Variants in FUBP3 observed in about 807,000 individuals in gnomAD.
FUBP3 encodes far upstream element binding protein 3, also known as far upstream element-binding protein 3.
Under a neutral mutation model 85.6 loss-of-function variants are expected in FUBP3, and 28 were observed. The ratio of observed to expected loss-of-function variants is 0.33; its 90% CI spans 0.24 to 0.45. The LOEUF (loss-of-function observed/expected upper bound fraction) is 0.45, where lower values mean the gene tolerates loss of function less well. Among genes scored for constraint, FUBP3 ranks in the 20% least tolerant of loss-of-function variants. The pLI is 1.00. For synonymous variants in FUBP3, 271 were observed against 271.4 expected (o/e 1.00, Z 0.01); for missense variants, 583 against 755.1 (o/e 0.77, Z 2.67).
intron 16 of FUBP3, among the ~76,000 whole-genome samples, chr9:130,633,116 G>A (rs1830281821): frequency 6.6e-6 from 1 of 152,234 alleles, no homozygotes; most frequent in Non-Finnish European, 1.5e-5. Flanking sequence ...CCAGTGCTGT[G>A]TGGCCTTAGG....
In FUBP3 at chr9:130,610,084, A is replaced by G. The variant is rs1831663335; in HGVS notation, c.224+97A>G. The stretch of plus-strand genomic sequence containing the variant: ...AGTGCTAGAAAGTCAGAGGTTGAGA[A>G]TGTGAAAAAGCATGGGTTAGGCTTC... On this transcript the variant is annotated intron_variant, in intron 3 of 18. Coordinates refer to ENST00000319725, the MANE Select transcript of FUBP3 (RefSeq NM_003934.2). 1.6e-5 allele frequency: 16 copies of G among 1,017,444 alleles called. No individual in the cohort carries two copies. The South Asian group carries it at 1.8e-4, about 12-fold the overall frequency. 63.0% of individuals were successfully genotyped at this position (1,017,444 alleles called of 1,614,324 possible). A position where few individuals can be genotyped will look rare whatever the true frequency, so the allele number is the denominator to read the frequency against.
Position 130,620,407 on chromosome 9 carries a change from T to C in FUBP3, c.720T>C (p.Phe240=), listed in dbSNP as rs923661020. Residue 240 remains phenylalanine (F), a synonymous_variant, in exon 9 of 19, where the codon TTT becomes TTC. Coordinates refer to ENST00000319725, the MANE Select transcript of FUBP3 (RefSeq NM_003934.2). Reference sequence around the variant, plus strand: ...TCCGAGAAAAAGACCAAGCTGACTTTCGGGGTGTACGCGGCGATTTCAACT... The same window carrying C: ...TCCGAGAAAAAGACCAAGCTGACTTCCGGGGTGTACGCGGCGATTTCAACT... ...EIIREKDQAD[F]RGVRGDFNSR... 4.4e-6 allele frequency: 7 copies of C among 1,606,462 alleles called. No homozygotes were observed. The African/African-American group carries it at 8.0e-5, about 18-fold the overall frequency.
At chr9:130,631,532 G>C (rs1282898502) in intron 13 of FUBP3, 25 bp from the exon 14 acceptor site, 2 of 1,599,952 alleles carry the variant, frequency 1.3e-6, no homozygotes, top group East Asian at 2.2e-5. Flanking sequence ...AACAGCGGGT[G>C]AGAGCTCCCT....
chr9:130,603,367 A>AC (rs1225788291), intron 2 of FUBP3, among the ~76,000 whole-genome samples: 1 of 147,730 alleles, frequency 6.8e-6, no homozygotes, highest in Non-Finnish European at 1.5e-5. Context: ...AAAAAAAAAA[A>AC]ACAAATAGTG....
At chr9:130,590,565 A>T (rs1830581232) in intron 1 of FUBP3, among the ~76,000 whole-genome samples, 1 of 152,220 alleles carries the variant, frequency 6.6e-6, no homozygotes, top group South Asian at 2.1e-4. Flanking sequence ...ACGCTTGCAG[A>T]TAAGGAGGAG....
Position 130,616,667 on chromosome 9 carries a change from A to G in FUBP3, c.567+150A>G, listed in dbSNP as rs938440663. ...GGCTTCCTTCCTCCATTTGACAGAC[A>G]GCTTCTGAACATACACCACGGCCAC... On this transcript the variant is annotated intron_variant, in intron 7 of 18. Transcript: ENST00000319725. This position sits in a 1 kb window ranked among gnomAD's most constrained non-coding sequence, Gnocchi z 4.7. 2.8e-5 allele frequency: 20 copies of G among 715,982 alleles called. No homozygotes were observed. Among genetic ancestry groups the G allele is most frequent in the Non-Finnish European group, 3.9e-5 (17 of 431,204 alleles). The allele number at this position is 715,982 out of a possible 1,614,324, so 44.4% of individuals were successfully genotyped here. A position where few individuals can be genotyped will look rare whatever the true frequency, so the allele number is the denominator to read the frequency against.
chr9:130,630,653 C>G lies in FUBP3; in HGVS notation c.1143C>G (p.Asn381Lys). Reference protein sequence around the residue: ...GKGGENIKSINQQSGAHVELQ... With the variant: ...GKGGENIKSIKQQSGAHVELQ... Reference sequence around the variant, plus strand: ...GGGGTGAGAACATCAAAAGCATCAACCAGCAGTCAGGGGCGCACGTGGAGC... The same window carrying G: ...GGGGTGAGAACATCAAAAGCATCAAGCAGCAGTCAGGGGCGCACGTGGAGC... Residue 381 changes from asparagine (N) to lysine (K), a missense_variant, in exon 13 of 19, where the codon AAC becomes AAG. This residue lies in a region of FUBP3 where 404 missense variants were observed against 516.8 expected (regional missense o/e 0.78). Transcript: ENST00000319725. The G allele has an allele frequency of 6.2e-7, 1 of 1,601,302 alleles. No individual in the cohort carries two copies. The highest frequency in any genetic ancestry group is 8.5e-7 in the Non-Finnish European group (1 of 1,174,042).
At chr9:130,625,507 G>A (rs563899472) in intron 11 of FUBP3, among the ~76,000 whole-genome samples, 1 of 152,370 alleles carries the variant, frequency 6.6e-6, no homozygotes, top group Admixed American at 6.5e-5. Flanking sequence ...AAAAGTCTGT[G>A]CAGCTTCTCC....
chr9:130,628,520 C>T (rs957393426), intron 12 of FUBP3, among the ~76,000 whole-genome samples: 3 of 152,326 alleles, frequency 2.0e-5, no homozygotes, highest in Non-Finnish European at 4.4e-5. Context: ...TTAACTCCTT[C>T]TGGCCCCACG....
At position 130,579,651 on chromosome 9, in the gene FUBP3, G is replaced by GCGGCGT; in HGVS notation, c.-25_-24insTCGGCG. On this transcript the variant is annotated 5_prime_UTR_variant, in exon 1 of 19. Transcript: ENST00000319725. ...CCGAGCGGCGGCGTCGGCGGCGTCG[G>GCGGCGT]CGGCGGCGGCGACGGCGGCGGGGGC... The GCGGCGT allele has an allele frequency of 8.4e-7, 1 of 1,186,130 alleles. No homozygotes were observed. The highest frequency in any genetic ancestry group is 1.1e-6 in the Non-Finnish European group (1 of 943,062). The allele number at this position is 1,186,130 out of a possible 1,614,324, so 73.5% of individuals were successfully genotyped here. A position where few individuals can be genotyped will look rare whatever the true frequency, so the allele number is the denominator to read the frequency against.
At chr9:130,609,910 G>A (rs770707327) in intron 2 of FUBP3, 44 bp from the exon 3 acceptor site, 13 of 1,489,204 alleles carry the variant, frequency 8.7e-6, no homozygotes, top group East Asian at 6.8e-5. Flanking sequence ...TAGTTTATCC[G>A]TGCTAATGCT....
intron 5 of FUBP3, among the ~76,000 whole-genome samples, chr9:130,613,573 T>A (rs2119074535): frequency 6.6e-6 from 1 of 152,316 alleles, no homozygotes; most frequent in African/African-American, 2.4e-5. Flanking sequence ...TATTTATGGT[T>A]TTGTCATCTA....
At chr9:130,597,029 C>G (rs1830906382) in intron 2 of FUBP3, among the ~76,000 whole-genome samples, 1 of 151,732 alleles carries the variant, frequency 6.6e-6, no homozygotes, top group Non-Finnish European at 1.5e-5. Context: ...CCCCCCTCCC[C>G]CCTGAGTCCC....
At chr9:130,605,939 G>A (rs1443896505) in intron 2 of FUBP3, among the ~76,000 whole-genome samples, 4 of 140,228 alleles carry the variant, frequency 2.9e-5, no homozygotes, top group Admixed American at 1.4e-4. Context: ...AGCCGAGATC[G>A]CGCCGCTGCA....
At chr9:130,606,205 T>C (rs1187792019) in intron 2 of FUBP3, among the ~76,000 whole-genome samples, 1 of 152,124 alleles carries the variant, frequency 6.6e-6, no homozygotes, top group Admixed American at 6.6e-5. Flanking sequence ...AAAAACGCCC[T>C]GAATCCTCAC....
chr9:130,599,525 C>G (rs1299808197), intron 2 of FUBP3, among the ~76,000 whole-genome samples: 2 of 151,984 alleles, frequency 1.3e-5, no homozygotes, highest in African/African-American at 4.8e-5. Context: ...GAACGCTGTT[C>G]ATGAGTCTGC....
intron 2 of FUBP3, 131 bp downstream of exon 2, chr9:130,595,719 T>C: frequency 1.5e-6 from 1 of 664,754 alleles, no homozygotes; most frequent in Non-Finnish European, 2.8e-6. Flanking sequence ...AAGGGAAGTA[T>C]TTAGGATGAT....
Position 130,617,770 on chromosome 9 carries a change from G to A in FUBP3, c.568-27G>A, listed in dbSNP as rs201671553. On this transcript the variant is annotated intron_variant, in intron 7 of 18. Transcript: ENST00000319725. ...ATTTCATGCCCTGCATTATTCATGA[G>A]GCTGTGCTGGTGTGTGTTCCCCACA... 2.4e-4 allele frequency: 317 copies of A among 1,322,042 alleles called. 1 individual carries two copies. Among genetic ancestry groups the A allele is most frequent in the Admixed American group, 2.0e-3 (122 of 59,690 alleles). 81.9% of individuals were successfully genotyped at this position (1,322,042 alleles called of 1,614,324 possible).
At position 130,634,534 on chromosome 9, in the gene FUBP3, C is replaced by T. The variant is rs552126702; in HGVS notation, c.1511-133C>T. ...GCCCTGCCAGCTGCCACCTCCTTCCCAGGCAGGGCTGCGGAGCCGTGTGTG... is the reference window on the plus strand; with the variant it reads ...GCCCTGCCAGCTGCCACCTCCTTCCTAGGCAGGGCTGCGGAGCCGTGTGTG... On this transcript the variant is annotated intron_variant, in intron 16 of 18. Coordinates refer to ENST00000319725, the MANE Select transcript of FUBP3 (RefSeq NM_003934.2). 4.6e-4 allele frequency: 302 copies of T among 655,136 alleles called. 2 individuals carry two copies. In the African/African-American group the frequency reaches 5.2e-3, roughly 11 times the overall value. The allele number at this position is 655,136 out of a possible 1,614,324, so 40.6% of individuals were successfully genotyped here.
Sources: gnomAD v4.1 joint callset for allele counts (sites outside exome capture counted in the v4.1 genomes callset) on GRCh38, gnomAD v4.1.1 for gene constraint, gnomAD v4.1.1 regional missense constraint, Gnocchi (gnomAD v3.1) non-coding constraint, MANE v1.5 for transcripts, NCBI Gene and HGNC (gene_info 2026-07-23, HGNC 2026-07-21) for gene names.